The following HHAT variants were observed in gnomAD, a reference collection of about 807,000 sequenced individuals.
HHAT encodes protein-cysteine N-palmitoyltransferase HHAT.
Under a neutral mutation model 70.8 loss-of-function variants are expected in HHAT, and 47 were observed. The observed-to-expected ratio is 0.66, with a 90% CI of 0.53 to 0.85. The LOEUF is 0.85. HHAT is among the 40% of genes least tolerant of loss of function. The pLI is 0.00. For synonymous variants in HHAT, 228 were observed against 247.6 expected (o/e 0.92, Z 0.74); for missense variants, 609 against 604.8 (o/e 1.01, Z -0.07).
chr1:210,340,811 A>G (rs1303516407), intron 1 of HHAT, among the ~76,000 whole-genome samples: 1 of 152,234 alleles, frequency 6.6e-6, no homozygotes, highest in African/African-American at 2.4e-5. Flanking sequence ...TGATTTCATT[A>G]TAGATTTTGG....
At chr1:210,588,817 A>G (rs554481664) in intron 10 of HHAT, 46 of 152,330 alleles carry the variant, frequency 3.0e-4, no homozygotes, top group African/African-American at 1.0e-3. Flanking sequence ...ACTGAGTATA[A>G]CTGGAATTTT....
intron 3 of HHAT, among the ~76,000 whole-genome samples, chr1:210,380,356 C>T (rs998910341): frequency 2.6e-5 from 4 of 152,104 alleles, no homozygotes; most frequent in East Asian, 1.9e-4. Flanking sequence ...GCCTGGCCAA[C>T]GTGGTGAAAC....
chr1:210,451,944 A>T (rs2093764555), intron 7 of HHAT, among the ~76,000 whole-genome samples: 1 of 152,216 alleles, frequency 6.6e-6, no homozygotes, highest in South Asian at 2.1e-4. Context: ...TGCTTGTTTT[A>T]TATAGAGATT....
chr1:210,588,185 C>A (rs557963880), intron 10 of HHAT, 86 bp downstream of exon 10: 1 of 1,139,514 alleles, frequency 8.8e-7, no homozygotes, highest in Non-Finnish European at 1.2e-6. Context: ...AGATTCCCTG[C>A]CCCCACTATG....
At chr1:210,367,686 G>T (rs1381976057) in intron 3 of HHAT, among the ~76,000 whole-genome samples, 1 of 152,140 alleles carries the variant, frequency 6.6e-6, no homozygotes, top group African/African-American at 2.4e-5. Flanking sequence ...TCCAGTTTTT[G>T]ATGATGTTCA....
At chr1:210,606,722 T>C (rs1437989808) in intron 10 of HHAT, among the ~76,000 whole-genome samples, 1 of 152,188 alleles carries the variant, frequency 6.6e-6, no homozygotes, top group Non-Finnish European at 1.5e-5. Flanking sequence ...AAAAAGGCCA[T>C]AGGAGATAGT....
intron 9 of HHAT, among the ~76,000 whole-genome samples, chr1:210,586,584 C>T (rs1490317357): frequency 6.6e-6 from 1 of 152,162 alleles, no homozygotes; most frequent in Non-Finnish European, 1.5e-5. Flanking sequence ...GTTTAAAATG[C>T]TGGGGCAGTA....
At chr1:210,445,666 G>C (rs1472965354) in intron 7 of HHAT, among the ~76,000 whole-genome samples, 1 of 152,198 alleles carries the variant, frequency 6.6e-6, no homozygotes, top group East Asian at 1.9e-4. Context: ...CTTGAGGGAA[G>C]GTAGTGTCAT....
intron 9 of HHAT, among the ~76,000 whole-genome samples, chr1:210,575,089 C>G (rs771612314): frequency 7.9e-5 from 12 of 151,708 alleles, no homozygotes; most frequent in Admixed American, 4.6e-4. Flanking sequence ...GCTGATGGAG[C>G]AAAGATTGGG....
chr1:210,633,316 T>TA (rs1671237102), intron 11 of HHAT, among the ~76,000 whole-genome samples: 1 of 152,228 alleles, frequency 6.6e-6, no homozygotes. Flanking sequence ...GCATGGGCCC[T>TA]AGGACAGACA....
Position 210,535,723 on chromosome 1 carries a change from TAGAA to T in HHAT, c.1043+22537_1043+22540del, listed in dbSNP as rs2095365379. Among the ~76,000 whole-genome samples the T allele has an allele frequency of 2.0e-5, 3 of 152,242 alleles. No individual in the cohort carries two copies. The South Asian group carries it at 6.2e-4, about 32-fold the overall frequency. On this transcript the variant is annotated intron_variant, in intron 9 of 11. Transcript: ENST00000261458. ...CATCCCTTCTTGTGCTGTATCTGCA[TAGAA>T]AATATAGCAAAGGTTTTGATTGAAA...
intron 7 of HHAT, among the ~76,000 whole-genome samples, chr1:210,425,704 C>T (rs937666777): frequency 3.3e-5 from 5 of 151,992 alleles, no homozygotes; most frequent in Non-Finnish European, 4.4e-5. Context: ...GTCTATGTGT[C>T]GGTTTCTGTA....
chr1:210,528,478 GAA>G (rs1227594436), intron 9 of HHAT, among the ~76,000 whole-genome samples: 2 of 152,204 alleles, frequency 1.3e-5, no homozygotes, highest in African/African-American at 4.8e-5. Flanking sequence ...GCCTGGAAAT[GAA>G]TGACTAAGGA....
chr1:210,333,369 A>G lies in HHAT; in HGVS notation c.-44+4265A>G, dbSNP rs537708881. The stretch of plus-strand genomic sequence containing the variant: ...AGCCCAGGAGGTCAAGGCTGCAGTG[A>G]GCTATGATCAGGCCACTGCACTCTA... On this transcript the variant is annotated intron_variant, in intron 1 of 11. Coordinates refer to ENST00000261458, the MANE Select transcript of HHAT (RefSeq NM_018194.6). Among the ~76,000 whole-genome samples the G allele has an allele frequency of 3.3e-5, 5 of 152,258 alleles. No homozygotes were observed. In the South Asian group the frequency reaches 1.0e-3, roughly 32 times the overall value.
At chr1:210,631,508 A>C (rs971409089) in intron 11 of HHAT, among the ~76,000 whole-genome samples, 1 of 152,202 alleles carries the variant, frequency 6.6e-6, no homozygotes, top group African/African-American at 2.4e-5. Context: ...CCCTCTTTAG[A>C]TTTACTCTGA....
At chr1:210,558,792 C>T (rs959198346) in intron 9 of HHAT, among the ~76,000 whole-genome samples, 1 of 152,094 alleles carries the variant, frequency 6.6e-6, no homozygotes, top group Non-Finnish European at 1.5e-5. Context: ...TTCTTGAGGC[C>T]AGGCATGCAT....
intron 11 of HHAT, among the ~76,000 whole-genome samples, chr1:210,650,124 G>C (rs923187587): frequency 2.6e-5 from 4 of 152,210 alleles, no homozygotes; most frequent in African/African-American, 9.6e-5. Flanking sequence ...CTCGGAAACA[G>C]CTCAAGTTTG....
intron 9 of HHAT, among the ~76,000 whole-genome samples, chr1:210,519,978 A>G (rs767374624): frequency 9.9e-5 from 15 of 151,748 alleles, no homozygotes; most frequent in Admixed American, 2.0e-4. Context: ...TTCCTTTGAG[A>G]AATGTCTATT....
At chr1:210,644,003 T>C (rs1233817229) in intron 11 of HHAT, among the ~76,000 whole-genome samples, 6 of 152,156 alleles carry the variant, frequency 3.9e-5, no homozygotes, top group Non-Finnish European at 7.3e-5. Context: ...TTGGAGGTCC[T>C]CTGGCCCACC....
Sources: allele counts gnomAD v4.1 joint callset (sites outside exome capture counted in the v4.1 genomes callset), GRCh38; gene constraint gnomAD v4.1.1; transcripts MANE v1.5; gene names NCBI Gene and HGNC (gene_info 2026-07-23, HGNC 2026-07-21).